Variants in SLC22A23 observed in about 807,000 individuals in gnomAD.
SLC22A23 encodes solute carrier family 22 member 23.
SLC22A23 carries 26 observed loss-of-function variants against 61.0 expected under a neutral mutation model. That is an observed-to-expected ratio of 0.43 (90% CI 0.31 to 0.59). The LOEUF (loss-of-function observed/expected upper bound fraction) is 0.59, where lower values mean the gene tolerates loss of function less well. SLC22A23 is among the 20% of genes least tolerant of loss of function. The pLI, the probability that SLC22A23 is intolerant of heterozygous loss-of-function variation, is 0.11. For synonymous variants in SLC22A23, 430 were observed against 413.9 expected, an observed-to-expected ratio of 1.04 and a Z score of -0.47; for missense variants, 796 against 934.7, an observed-to-expected ratio of 0.85 and a Z score of 1.94.
At chr6:3,438,559 TA>T in intron 1 of SLC22A23, 1 of 456,180 alleles carries the variant, frequency 2.2e-6, no homozygotes. Context: ...GACAACACTA[TA>T]AAACCACCGT....
chr6:3,362,788 G>A (rs1426237192), intron 3 of SLC22A23, among the ~76,000 whole-genome samples: 2 of 152,172 alleles, frequency 1.3e-5, no homozygotes, highest in African/African-American at 2.4e-5. Flanking sequence ...CAGGACCCAG[G>A]AGAGGAAGCA....
intron 1 of SLC22A23, chr6:3,445,054 C>G (rs1259593110): frequency 1.2e-5 from 10 of 860,078 alleles, no homozygotes; most frequent in Non-Finnish European, 1.4e-5. Flanking sequence ...CAGTGTTCTG[C>G]GTCTGTCCTC....
intron 3 of SLC22A23, among the ~76,000 whole-genome samples, chr6:3,385,240 C>T (rs555323251): frequency 5.9e-5 from 9 of 152,218 alleles, no homozygotes; most frequent in Admixed American, 1.3e-4. Flanking sequence ...GGGCTGGGCA[C>T]GGTGGCTCAT....
At chr6:3,357,882 C>T (rs907052876) in intron 3 of SLC22A23, among the ~76,000 whole-genome samples, 3 of 152,080 alleles carry the variant, frequency 2.0e-5, no homozygotes, top group Admixed American at 6.6e-5. Flanking sequence ...AAGAAAGGGA[C>T]GAGGCCTGGG....
At chr6:3,379,796 G>A (rs1227934586) in intron 3 of SLC22A23, among the ~76,000 whole-genome samples, 2 of 147,322 alleles carry the variant, frequency 1.4e-5, no homozygotes, top group Admixed American at 1.3e-4. Context: ...CAGATTGCCT[G>A]ATGACTACTC....
intron 3 of SLC22A23, among the ~76,000 whole-genome samples, chr6:3,362,629 A>G (rs1046783732): frequency 1.3e-5 from 2 of 151,902 alleles, no homozygotes; most frequent in Non-Finnish European, 2.9e-5. Flanking sequence ...TAACAAAGGA[A>G]TGGAACTCTG....
At chr6:3,441,616 C>T (rs769929065) in intron 1 of SLC22A23, among the ~76,000 whole-genome samples, 4 of 152,170 alleles carry the variant, frequency 2.6e-5, no homozygotes, top group African/African-American at 4.8e-5. Flanking sequence ...CTGACGGAAG[C>T]GACTCCTCTG....
intron 3 of SLC22A23, among the ~76,000 whole-genome samples, chr6:3,361,857 C>A (rs1020414636): frequency 8.5e-5 from 13 of 152,190 alleles, no homozygotes; most frequent in Non-Finnish European, 2.9e-5. Flanking sequence ...TCTCACGCTA[C>A]GACCTAGGGA....
intron 3 of SLC22A23, among the ~76,000 whole-genome samples, chr6:3,368,633 G>A (rs1765995327): frequency 6.6e-6 from 1 of 152,110 alleles, no homozygotes; most frequent in African/African-American, 2.4e-5. Context: ...AGATTTCAGG[G>A]AAATTAAAAC....
chr6:3,302,822 A>C (rs900994976), intron 4 of SLC22A23: 1 of 152,186 alleles, frequency 6.6e-6, no homozygotes, highest in Non-Finnish European at 1.5e-5. Context: ...GATTTTTAAA[A>C]ATTTTTTGAG....
intron 9 of SLC22A23, among the ~76,000 whole-genome samples, chr6:3,280,022 G>A (rs909040043): frequency 3.9e-5 from 6 of 152,194 alleles, no homozygotes; most frequent in Non-Finnish European, 4.4e-5. Context: ...CGAGGCTCCT[G>A]TTCTAGCTCC....
At chr6:3,446,304 T>C (rs1442368681) in intron 1 of SLC22A23, among the ~76,000 whole-genome samples, 1 of 152,180 alleles carries the variant, frequency 6.6e-6, no homozygotes, top group African/African-American at 2.4e-5. Flanking sequence ...GACAAGCCAA[T>C]GGCCCTCCAG....
At chr6:3,401,422 T>TA (rs1007180197) in intron 3 of SLC22A23, among the ~76,000 whole-genome samples, 55 of 143,634 alleles carry the variant, frequency 3.8e-4, no homozygotes, top group African/African-American at 1.1e-3. Context: ...TTTGCCACAG[T>TA]AAAAAAAAAA....
At chr6:3,305,684 G>C (rs1346321516) in intron 4 of SLC22A23, among the ~76,000 whole-genome samples, 1 of 152,216 alleles carries the variant, frequency 6.6e-6, no homozygotes, top group Non-Finnish European at 1.5e-5. Flanking sequence ...GAGCCTCAGA[G>C]AAATTGATGA....
chr6:3,295,518 T>G (rs927857109), intron 5 of SLC22A23, among the ~76,000 whole-genome samples: 1 of 151,974 alleles, frequency 6.6e-6, no homozygotes, highest in Non-Finnish European at 1.5e-5. Flanking sequence ...GATCAGATCA[T>G]GTGTGACCTG....
rs1056072081 is a variant in SLC22A23 at position 3,386,392 on chromosome 6, G to A, written c.913+23796C>T. Among the ~76,000 whole-genome samples the A allele has an allele frequency of 2.6e-5, 4 of 152,166 alleles. No homozygotes were observed. Among genetic ancestry groups the A allele is most frequent in the African/African-American group, 4.8e-5 (2 of 41,448 alleles). On this transcript the variant is annotated intron_variant, in intron 3 of 9. Transcript: ENST00000406686. This position sits in a 1 kb window ranked among gnomAD's most constrained non-coding sequence, Gnocchi z 4.4. ...CACGCTTGCTCTGTGTACGCCACAC[G>A]CACAACCAGCCCTGGGGTCCCTGGA...
chr6:3,272,842 AAAG>A lies in SLC22A23; in HGVS notation c.*210_*212del, dbSNP rs774038070. ...ATAAATACACACATTTAACGGCAGA[AAAG>A]AAAGTCTTGAAAGGGTTATTTCCAA... On this transcript the variant is annotated 3_prime_UTR_variant, in exon 10 of 10. Coordinates refer to ENST00000406686, the MANE Select transcript of SLC22A23 (RefSeq NM_015482.2). 10 of 483,138 alleles carry A rather than the reference AAAG, an allele frequency of 2.1e-5. No homozygotes were observed. The highest frequency in any genetic ancestry group is 1.4e-4 in the African/African-American group (7 of 50,320). The allele number at this position is 483,138 out of a possible 1,614,324, so 29.9% of individuals were successfully genotyped here. A position where few individuals can be genotyped will look rare whatever the true frequency, so the allele number is the denominator to read the frequency against.
chr6:3,287,035 A>G lies in SLC22A23; in HGVS notation c.1370T>C (p.Val457Ala), dbSNP rs1386661590. ...GAAGTTCTCCAGGAGCGGCACCTTC[A>G]CCTCGTGGCCCATCATGCTCCTGGC... Reference protein sequence around the residue: ...CFARSMMGHEVKVPLLENFYA... With the variant: ...CFARSMMGHEAKVPLLENFYA... The change falls in exon 7 of 10, where the codon GTG (valine) becomes GCG (alanine). Residue 457 changes from valine to alanine, a missense_variant. Val to Ala is a moderately conservative substitution (Grantham distance 64). Transcript: ENST00000406686. 6.2e-7 allele frequency: 1 copy of G among 1,613,948 alleles called. No individual in the cohort carries two copies. The highest frequency in any genetic ancestry group is 1.3e-5 in the African/African-American group (1 of 74,870).
At chr6:3,273,927 A>G (rs1244757053) in intron 9 of SLC22A23, among the ~76,000 whole-genome samples, 1 of 152,186 alleles carries the variant, frequency 6.6e-6, no homozygotes, top group Non-Finnish European at 1.5e-5. Flanking sequence ...ACTTTAAAAG[A>G]GTAGTTTCCT....
Sources: gnomAD v4.1 joint callset for allele counts (sites outside exome capture counted in the v4.1 genomes callset) on GRCh38, gnomAD v4.1.1 for gene constraint, Gnocchi (gnomAD v3.1) non-coding constraint, MANE v1.5 for transcripts, NCBI Gene and HGNC (gene_info 2026-07-23, HGNC 2026-07-21) for gene names.